Variants in PRP4K observed in about 807,000 individuals in gnomAD.
PRP4K encodes serine/threonine-protein kinase PRP4 homolog.
the PRP4K span, among the ~76,000 whole-genome samples, chr6:4,040,581 T>C: frequency 6.6e-6 from 1 of 152,260 alleles, no homozygotes; most frequent in Non-Finnish European, 1.5e-5. Context: ...GTCTTTCTGA[T>C]GTTCTGTTCT....
At chr6:4,029,642 TG>T in the PRP4K span, among the ~76,000 whole-genome samples, 1 of 151,866 alleles carries the variant, frequency 6.6e-6, no homozygotes, top group Admixed American at 6.6e-5. Context: ...TGTGAGCCAT[TG>T]TGCCTGGGCC....
the PRP4K span, among the ~76,000 whole-genome samples, chr6:4,054,694 C>T: frequency 0.084 from 12,712 of 152,148 alleles, 609 homozygotes; most frequent in Non-Finnish European, 0.098. Context: ...TTAGTAGAGA[C>T]GGGGTTTCAC....
At chr6:4,031,572 A>G in the PRP4K span, 1 of 1,558,944 alleles carries the variant, frequency 6.4e-7, no homozygotes, top group Non-Finnish European at 8.6e-7. Context: ...GGAAGATGCT[A>G]ATTCTGAAAA....
the PRP4K span, among the ~76,000 whole-genome samples, chr6:4,026,193 G>A: frequency 6.6e-6 from 1 of 151,486 alleles, no homozygotes; most frequent in African/African-American, 2.4e-5. Flanking sequence ...TAGTAGAGAT[G>A]GGGTTTCTCC....
At chr6:4,045,330 A>G in the PRP4K span, among the ~76,000 whole-genome samples, 1 of 152,202 alleles carries the variant, frequency 6.6e-6, no homozygotes, top group African/African-American at 2.4e-5. Context: ...GATTTGGCTC[A>G]CAGTCTGTAT....
At chr6:4,021,765 G>A in the PRP4K span, among the ~76,000 whole-genome samples, 1 of 152,214 alleles carries the variant, frequency 6.6e-6, no homozygotes, top group African/African-American at 2.4e-5. Flanking sequence ...CGGCAGTGAG[G>A]TCGCGCTTTC....
the PRP4K span, among the ~76,000 whole-genome samples, chr6:4,059,732 G>A: frequency 4.6e-5 from 7 of 151,932 alleles, no homozygotes; most frequent in African/African-American, 7.3e-5. Context: ...AGCAACCTCT[G>A]CCTCCCAGGT....
the PRP4K span, among the ~76,000 whole-genome samples, chr6:4,031,214 G>A: frequency 1.8e-4 from 27 of 152,198 alleles, no homozygotes; most frequent in Non-Finnish European, 3.5e-4. Context: ...AAGTTACTGA[G>A]TGGCTTCTTG....
the PRP4K span, among the ~76,000 whole-genome samples, chr6:4,054,481 T>G: frequency 6.6e-5 from 10 of 152,142 alleles, no homozygotes; most frequent in South Asian, 2.1e-4. Context: ...AGTATAAATT[T>G]GTGTGGCCAA....
chr6:4,057,929 A>G, the PRP4K span, among the ~76,000 whole-genome samples: 1 of 152,000 alleles, frequency 6.6e-6, no homozygotes, highest in Non-Finnish European at 1.5e-5. Flanking sequence ...TTAGCTTTTT[A>G]AGATTTCAGC....
chr6:4,056,580 C>T, the PRP4K span: 1 of 1,595,126 alleles, frequency 6.3e-7, no homozygotes, highest in African/African-American at 1.3e-5. Flanking sequence ...TCATCCTCCT[C>T]AGGTGGAATG....
chr6:4,051,277 C>A, the PRP4K span, among the ~76,000 whole-genome samples: 1 of 151,942 alleles, frequency 6.6e-6, no homozygotes, highest in Non-Finnish European at 1.5e-5. Context: ...AAAATAATGT[C>A]AAGATGTGGG....
the PRP4K span, chr6:4,052,573 T>C: frequency 2.3e-5 from 14 of 614,420 alleles, no homozygotes; most frequent in East Asian, 4.0e-4. Context: ...CAATATAAAA[T>C]GATTTATCAA....
chr6:4,039,104 A>G, the PRP4K span, among the ~76,000 whole-genome samples: 16 of 152,092 alleles, frequency 1.1e-4, no homozygotes, highest in Non-Finnish European at 1.3e-4. Context: ...TTCTTCCCAG[A>G]TTCCTTTTGC....
chr6:4,063,543 C>A, the PRP4K span: 1 of 152,142 alleles, frequency 6.6e-6, no homozygotes. Flanking sequence ...CCAACTTACC[C>A]TGTAGAAACC....
chr6:4,052,171 G>A, the PRP4K span: 2 of 1,427,922 alleles, frequency 1.4e-6, no homozygotes, highest in Non-Finnish European at 1.9e-6. Context: ...GATAAATGCT[G>A]TAACAGATTT....
chr6:4,029,712 A>C, the PRP4K span, among the ~76,000 whole-genome samples: 1 of 151,710 alleles, frequency 6.6e-6, no homozygotes, highest in African/African-American at 2.4e-5. Context: ...TCCTCCTAAC[A>C]TCCCTGCTTA....
chr6:4,040,932 G>T, the PRP4K span: 1 of 1,606,544 alleles, frequency 6.2e-7, no homozygotes, highest in Non-Finnish European at 8.5e-7. Context: ...TGATAAGTAA[G>T]AATAGAACTT....
At chr6:4,058,483 G>A in the PRP4K span, among the ~76,000 whole-genome samples, 2 of 152,168 alleles carry the variant, frequency 1.3e-5, no homozygotes, top group East Asian at 1.9e-4. Flanking sequence ...ACAATTTGAT[G>A]TTATAATTGT....
Sources: gnomAD v4.1 joint callset for allele counts (sites outside exome capture counted in the v4.1 genomes callset) on GRCh38, gnomAD v4.1.1 for gene constraint, MANE v1.5 for transcripts, NCBI Gene and HGNC (gene_info 2026-07-23, HGNC 2026-07-21) for gene names.